The following RABL6 variants were observed in gnomAD, a reference collection of about 807,000 sequenced individuals.
RABL6 encodes RAB, member RAS oncogene family like 6.
Under a neutral mutation model 72.9 loss-of-function variants are expected in RABL6, and 28 were observed. The ratio of observed to expected loss-of-function variants is 0.38; its 90% CI spans 0.28 to 0.53. The LOEUF (loss-of-function observed/expected upper bound fraction) is 0.53, where lower values mean the gene tolerates loss of function less well. Among genes scored for constraint, RABL6 ranks in the 20% least tolerant of loss-of-function variants. The pLI, the probability that RABL6 is intolerant of heterozygous loss-of-function variation, is 0.80. For synonymous variants in RABL6, 477 were observed against 421.2 expected (o/e 1.13, Z -1.62); for missense variants, 1,029 against 1,008.4 (o/e 1.02, Z -0.28).
intron 1 of RABL6, among the ~76,000 whole-genome samples, chr9:136,810,225 CCTT>C (rs1481298475): frequency 1.3e-5 from 2 of 152,146 alleles, no homozygotes; most frequent in Admixed American, 6.5e-5. Context: ...AAACTGTTCA[CCTT>C]CTGAAAAGGC....
chr9:136,828,273 G>C, intron 3 of RABL6: 1 of 552,436 alleles, frequency 1.8e-6, no homozygotes. Context: ...AGCACCTCCT[G>C]TCCAGGCCCG....
At position 136,825,836 on chromosome 9, in the gene RABL6, C is replaced by G. The variant is rs188515072; in HGVS notation, c.313+10C>G. ...GATGTAGTAGACAAAGGTGAGGCGT[C>G]TCTGTTCTGTGTCTGCTTCTCTCTG... On this transcript the variant is annotated intron_variant, in intron 3 of 14. Coordinates refer to ENST00000311502, the MANE Select transcript of RABL6 (RefSeq NM_024718.5). 3.1e-6 allele frequency: 5 copies of G among 1,609,028 alleles called. No homozygotes were observed. The East Asian group carries it at 6.7e-5, about 22-fold the overall frequency.
At chr9:136,818,831 C>T (rs568477118) in intron 1 of RABL6, among the ~76,000 whole-genome samples, 34 of 152,052 alleles carry the variant, frequency 2.2e-4, no homozygotes, top group Admixed American at 2.0e-3. Context: ...AAAGAAGAAA[C>T]TACCAGAAGT....
rs756850393 is a variant in RABL6 at position 136,839,043 on chromosome 9, A to G, written c.1415A>G (p.Glu472Gly). The G allele has an allele frequency of 2.5e-6, 4 of 1,612,518 alleles. No homozygotes were observed. Among genetic ancestry groups the G allele is most frequent in the East Asian group, 2.2e-5 (1 of 44,878 alleles). Residue 472 changes from glutamate to glycine, a missense_variant, in exon 11 of 15, where the codon GAG becomes GGG. By Grantham distance (98) the Glu-to-Gly change is moderately conservative (BLOSUM62 -2). Around this residue, in one of 2 missense-constraint regions of RABL6, gnomAD observed 595 missense variants for 472.4 expected, o/e 1.26. Coordinates refer to ENST00000311502, the MANE Select transcript of RABL6 (RefSeq NM_024718.5). ...AGTCAAGACATCACTCTTTCGAGTG[A>G]GGAGGAAGCAGAAGTGGCAGCTCCC... Reference protein sequence around the residue: ...VPSQDITLSSEEEAEVAAPTK... With the variant: ...VPSQDITLSSGEEAEVAAPTK...
At chr9:136,822,736 C>A (rs1040274786) in intron 1 of RABL6, among the ~76,000 whole-genome samples, 3 of 152,212 alleles carry the variant, frequency 2.0e-5, no homozygotes, top group Non-Finnish European at 4.4e-5. Context: ...CCGGGGCTAC[C>A]CGGCACACAC....
chr9:136,814,632 T>C (rs1848079948), intron 1 of RABL6: 1 of 151,656 alleles, frequency 6.6e-6, no homozygotes, highest in Non-Finnish European at 1.5e-5. Context: ...ACGCCTGTAA[T>C]CCCAGCTACT....
At position 136,840,199 on chromosome 9, in the gene RABL6, A is replaced by G. The variant is rs1397604533; in HGVS notation, c.1976A>G (p.Lys659Arg). 6.2e-7 allele frequency: 1 copy of G among 1,612,786 alleles called. No homozygotes were observed. The highest frequency in any genetic ancestry group is 1.1e-5 in the South Asian group (1 of 91,076). ...TPSKEKKKKK[K>R]KGKEEEEKAA... is the part of the protein sequence containing the mutation. ...TCTAAGGAGAAGAAGAAGAAGAAGAAAAAAGGCAAAGAGGTACTGGCTACT... is the reference window on the plus strand; with the variant it reads ...TCTAAGGAGAAGAAGAAGAAGAAGAGAAAAGGCAAAGAGGTACTGGCTACT... Residue 659 changes from lysine (K) to arginine (R), a missense_variant, in exon 14 of 15, where the codon AAA becomes AGA. Transcript: ENST00000311502.
intron 5 of RABL6, among the ~76,000 whole-genome samples, chr9:136,830,716 G>A (rs1280618542): frequency 6.6e-6 from 1 of 152,274 alleles, no homozygotes; most frequent in Non-Finnish European, 1.5e-5. Flanking sequence ...GCAGCCGCCT[G>A]GGCTGCCGTG....
At chr9:136,813,418 C>T in intron 1 of RABL6, 1 of 801,118 alleles carries the variant, frequency 1.2e-6, no homozygotes. Context: ...TTGATTCACC[C>T]CTCCAAGTGG....
At chr9:136,817,744 A>G (rs1270344174) in intron 1 of RABL6, among the ~76,000 whole-genome samples, 1 of 152,142 alleles carries the variant, frequency 6.6e-6, no homozygotes, top group Non-Finnish European at 1.5e-5. Flanking sequence ...GGTGGAGTTG[A>G]GCTCGAAACA....
At position 136,831,722 on chromosome 9, in the gene RABL6, A is replaced by T; in HGVS notation, c.460A>T (p.Thr154Ser). The change falls in exon 6 of 15, where the codon ACC (threonine) becomes TCC (serine). Residue 154 changes from threonine to serine, a missense_variant and splice_region_variant. Thr to Ser is a moderately conservative substitution (Grantham distance 58). Transcript: ENST00000311502. ...VMMFDITKQW[T>S]FNYILRELPK... ...CCAGGTCCTCACCTGTTCTCCGAGG[A>T]CCTTCAATTACATTCTCCGGGAGCT... 6.2e-7 allele frequency: 1 copy of T among 1,612,910 alleles called. No individual in the cohort carries two copies. The highest frequency in any genetic ancestry group is 2.2e-5 in the East Asian group (1 of 44,860).
chr9:136,809,157 G>GTT (rs1455939976), intron 1 of RABL6: 1 of 152,624 alleles, frequency 6.6e-6, no homozygotes, highest in African/African-American at 2.4e-5. Context: ...CGCCTATCCA[G>GTT]TTTTTTGGTC....
chr9:136,811,083 A>T (rs966324897), intron 1 of RABL6, among the ~76,000 whole-genome samples: 1 of 152,236 alleles, frequency 6.6e-6, no homozygotes, highest in African/African-American at 2.4e-5. Context: ...TGGATGAAAA[A>T]GTCAAACTCT....
At chr9:136,836,013 C>T (rs1848578424) in intron 8 of RABL6, 168 bp downstream of exon 8, 3 of 623,980 alleles carry the variant, frequency 4.8e-6, no homozygotes, top group African/African-American at 1.8e-5. Flanking sequence ...GCACTGCCCC[C>T]AGCAGCCCCC....
intron 1 of RABL6, among the ~76,000 whole-genome samples, chr9:136,817,471 C>T (rs1429794299): frequency 4.6e-5 from 7 of 151,594 alleles, no homozygotes; most frequent in East Asian, 1.9e-4. Flanking sequence ...GTGACCAGCT[C>T]GCAGCAAACC....
chr9:136,833,106 G>A lies in RABL6; in HGVS notation c.705+736G>A, dbSNP rs1266457645. Reference sequence around the variant, plus strand: ...CTGGGCTGCCCCGCCTGGGTCTGGGGACCTGAACCTCCTCGCCCTGGGCTG... The same window carrying A: ...CTGGGCTGCCCCGCCTGGGTCTGGGAACCTGAACCTCCTCGCCCTGGGCTG... On this transcript the variant is annotated intron_variant, in intron 7 of 14. Transcript: ENST00000311502. The A allele has an allele frequency of 1.0e-5, 3 of 293,176 alleles. No individual in the cohort carries two copies. In the Admixed American group the frequency reaches 1.5e-4, roughly 15 times the overall value. 18.2% of individuals were successfully genotyped at this position (293,176 alleles called of 1,614,324 possible). A position where few individuals can be genotyped will look rare whatever the true frequency, so the allele number is the denominator to read the frequency against.
Position 136,840,792 on chromosome 9 carries a change from C to G in RABL6, c.*270C>G. 1 of 1,547,772 alleles carries G rather than the reference C, an allele frequency of 6.5e-7. No homozygotes were observed. The highest frequency in any genetic ancestry group is 2.0e-5 in the Admixed American group (1 of 50,986). On this transcript the variant is annotated 3_prime_UTR_variant, in exon 15 of 15. Transcript: ENST00000311502. ...CCCTGGCCCTCTCGGGGCAGAGCCG[C>G]CAGTGTTTCTCAGGGATGTGACTGA... is the stretch of plus-strand genomic sequence containing the variant.
Position 136,840,972 on chromosome 9 carries a change from C to T in RABL6, c.*450C>T, listed in dbSNP as rs776029664. The stretch of plus-strand genomic sequence containing the variant: ...CGCTTCCGGCCGGGAGCCCTGAACA[C>T]GGGTGTGCAGACTCACCCTAAAGGG... On this transcript the variant is annotated 3_prime_UTR_variant, in exon 15 of 15. Coordinates refer to ENST00000311502, the MANE Select transcript of RABL6 (RefSeq NM_024718.5). 33 of 1,454,316 alleles carry T rather than the reference C, an allele frequency of 2.3e-5. No individual in the cohort carries two copies. Among genetic ancestry groups the T allele is most frequent in the Admixed American group, 5.4e-5 (2 of 37,084 alleles). 90.1% of individuals were successfully genotyped at this position (1,454,316 alleles called of 1,614,324 possible). A position where few individuals can be genotyped will look rare whatever the true frequency, so the allele number is the denominator to read the frequency against.
intron 1 of RABL6, among the ~76,000 whole-genome samples, chr9:136,811,495 G>A (rs538910133): frequency 6.6e-6 from 1 of 152,066 alleles, no homozygotes; most frequent in East Asian, 1.9e-4. Flanking sequence ...GTGGGTGCCT[G>A]TAATCCCAGC....
Sources: allele counts gnomAD v4.1 joint callset (sites outside exome capture counted in the v4.1 genomes callset), GRCh38; gene constraint gnomAD v4.1.1; regional missense constraint gnomAD v4.1.1; transcripts MANE v1.5; gene names NCBI Gene and HGNC (gene_info 2026-07-23, HGNC 2026-07-21).